The following DHRSX variants were observed in gnomAD, a reference collection of about 807,000 sequenced individuals.
DHRSX encodes dehydrogenase/reductase X-linked, also known as polyprenol dehydrogenase.
Under a neutral mutation model 34.0 loss-of-function variants are expected in DHRSX, and 31 were observed. That is an observed-to-expected ratio of 0.91 (90% CI 0.69 to 1.23). DHRSX has a LOEUF of 1.23. Among genes scored for constraint, DHRSX ranks in the 50% most tolerant of loss-of-function variants. DHRSX has a pLI of 0.00. For synonymous variants in DHRSX, 201 were observed against 183.8 expected (o/e 1.09, Z -0.76); for missense variants, 414 against 428.1 (o/e 0.97, Z 0.29).
intron 3 of DHRSX, among the ~76,000 whole-genome samples, chrX:2,313,248 T>C (rs1378771865): frequency 6.6e-6 from 1 of 152,016 alleles, no homozygotes; most frequent in African/African-American, 2.4e-5. Context: ...CCTCAGGTGA[T>C]CTGCCTGCCT....
At chrX:2,289,830 A>G (rs1411450012) in intron 4 of DHRSX, among the ~76,000 whole-genome samples, 1 of 152,208 alleles carries the variant, frequency 6.6e-6, no homozygotes, top group African/African-American at 2.4e-5. Flanking sequence ...TTCAGATCCC[A>G]CCAGGATGGC....
chrX:2,303,210 A>G (rs1050923317), intron 3 of DHRSX, among the ~76,000 whole-genome samples: 39 of 152,196 alleles, frequency 2.6e-4, no homozygotes, highest in Middle Eastern at 3.2e-3. Flanking sequence ...CAACATGAAC[A>G]TCAGCATTCT....
chrX:2,304,804 T>C (rs1430198635), intron 3 of DHRSX, among the ~76,000 whole-genome samples: 1 of 152,074 alleles, frequency 6.6e-6, no homozygotes, highest in Admixed American at 6.6e-5. Flanking sequence ...TAGCAATTCC[T>C]CAAAGACCTA....
At chrX:2,490,540 G>A in intron 1 of DHRSX, 2 of 1,613,994 alleles carry the variant, frequency 1.2e-6, no homozygotes, top group South Asian at 1.1e-5. Context: ...ACAGGTTGGA[G>A]GTGTTTCCGG....
At chrX:2,313,106 G>A (rs1411863884) in intron 3 of DHRSX, among the ~76,000 whole-genome samples, 1 of 151,450 alleles carries the variant, frequency 6.6e-6, no homozygotes, top group Non-Finnish European at 1.5e-5. Context: ...AGGTTCAAGC[G>A]ATTCTCTTGC....
At chrX:2,373,276 T>C (rs1425787379) in intron 3 of DHRSX, among the ~76,000 whole-genome samples, 1 of 152,188 alleles carries the variant, frequency 6.6e-6, no homozygotes, top group East Asian at 1.9e-4. Context: ...CCAGGTGCCA[T>C]GTGGGTGGGG....
chrX:2,358,371 A>G (rs2042884044), intron 3 of DHRSX, among the ~76,000 whole-genome samples: 1 of 152,208 alleles, frequency 6.6e-6, no homozygotes, highest in Admixed American at 6.5e-5. Context: ...ACGTCAGGCA[A>G]AGGACATGAA....
rs191637595 is a variant in DHRSX at position 2,369,559 on chromosome X, C to T, written c.286+39186G>A. Among the ~76,000 whole-genome samples the T allele has an allele frequency of 9.2e-5, 14 of 152,074 alleles. No homozygotes were observed. In the East Asian group the frequency reaches 1.4e-3, roughly 15 times the overall value. On this transcript the variant is annotated intron_variant, in intron 3 of 6. Coordinates refer to ENST00000334651, the MANE Select transcript of DHRSX (RefSeq NM_145177.3). ...TCACCCAGGCTGGAGTGCAGTGGCA[C>T]GATCTCAGCTCACTGCAACCTCCAT...
chrX:2,314,881 G>A (rs1181542324), intron 3 of DHRSX, among the ~76,000 whole-genome samples: 1 of 152,152 alleles, frequency 6.6e-6, no homozygotes, highest in Non-Finnish European at 1.5e-5. Context: ...TCTTAGGCCA[G>A]GTGCGGTGGC....
At chrX:2,324,886 A>G (rs2042359001) in intron 3 of DHRSX, among the ~76,000 whole-genome samples, 1 of 147,706 alleles carries the variant, frequency 6.8e-6, no homozygotes, top group Admixed American at 6.9e-5. Flanking sequence ...CGCCTGCCTC[A>G]GCCTCCTAAG....
intron 1 of DHRSX, among the ~76,000 whole-genome samples, chrX:2,479,988 T>G (rs1435179529): frequency 6.6e-6 from 1 of 152,144 alleles, no homozygotes; most frequent in Non-Finnish European, 1.5e-5. Context: ...AAGAATGTTG[T>G]GCAGGATCCA....
rs189714473 is a variant in DHRSX, at chrX:2,237,788, G to A, written c.804+5235C>T. ...CAAAGTGTTGGGATTACAGGCATGA[G>A]CCACCACTCCCAGCCGATAGCTCTT... On this transcript the variant is annotated intron_variant, in intron 6 of 6. Coordinates refer to ENST00000334651, the MANE Select transcript of DHRSX (RefSeq NM_145177.3). Among the ~76,000 whole-genome samples the A allele has an allele frequency of 4.0e-3, 609 of 152,192 alleles. 9 individuals carry two copies. The highest frequency in any genetic ancestry group is 0.014 in the African/African-American group (565 of 41,542).
chrX:2,253,307 G>A (rs866878943), intron 5 of DHRSX, among the ~76,000 whole-genome samples: 54 of 40,188 alleles, frequency 1.3e-3, no homozygotes, highest in African/African-American at 2.3e-3. Flanking sequence ...ACTGCAGCCT[G>A]GGAGGTGGAC....
intron 1 of DHRSX, among the ~76,000 whole-genome samples, chrX:2,461,016 C>A (rs1222701444): frequency 6.6e-6 from 1 of 152,100 alleles, no homozygotes; most frequent in African/African-American, 2.4e-5. Context: ...CCATTGTGCC[C>A]GGCCTCATAC....
intron 5 of DHRSX, among the ~76,000 whole-genome samples, chrX:2,255,449 A>C (rs2041263669): frequency 6.6e-6 from 1 of 152,138 alleles, no homozygotes; most frequent in African/African-American, 2.4e-5. Context: ...ATTTCACGGG[A>C]TGTGAATTCA....
intron 1 of DHRSX, among the ~76,000 whole-genome samples, chrX:2,470,153 C>T (rs1053009204): frequency 1.0e-4 from 15 of 150,058 alleles, no homozygotes; most frequent in African/African-American, 3.2e-4. Context: ...CACAGAGAGA[C>T]AAATACTGTA....
At chrX:2,463,245 G>A (rs1331080063) in intron 1 of DHRSX, among the ~76,000 whole-genome samples, 1 of 152,172 alleles carries the variant, frequency 6.6e-6, no homozygotes, top group Non-Finnish European at 1.5e-5. Context: ...GAACATGGGA[G>A]GCGGAGGTTG....
intron 3 of DHRSX, among the ~76,000 whole-genome samples, chrX:2,359,931 G>A (rs1372592788): frequency 1.3e-5 from 2 of 152,108 alleles, no homozygotes; most frequent in African/African-American, 4.8e-5. Flanking sequence ...TCAGAAGGTG[G>A]GAGGAGGGAC....
At chrX:2,330,794 AAG>A (rs1000275240) in intron 3 of DHRSX, among the ~76,000 whole-genome samples, 1 of 143,462 alleles carries the variant, frequency 7.0e-6, no homozygotes, top group Non-Finnish European at 1.6e-5. Context: ...GAGAATGAGA[AAG>A]AGAGAATGAA....
Sources: allele counts gnomAD v4.1 joint callset (sites outside exome capture counted in the v4.1 genomes callset), GRCh38; gene constraint gnomAD v4.1.1; transcripts MANE v1.5; gene names NCBI Gene and HGNC (gene_info 2026-07-23, HGNC 2026-07-21).